CSGALNACT1: variants seen among roughly 807,000 people sequenced by gnomAD.
CSGALNACT1 encodes the protein chondroitin sulfate N-acetylgalactosaminyltransferase 1.
In CSGALNACT1, 52 loss-of-function variants were observed where a neutral mutation model predicts 51.0. The observed-to-expected ratio is 1.02, with a 90% CI of 0.82 to 1.29. The LOEUF (loss-of-function observed/expected upper bound fraction) is 1.29, where lower values mean the gene tolerates loss of function less well. Ranked by LOEUF, CSGALNACT1 falls within the 50% of genes most tolerant of loss-of-function variation. The pLI is 0.00. For synonymous variants in CSGALNACT1, 341 were observed against 254.4 expected (o/e 1.34, Z -3.24); for missense variants, 935 against 679.2 (o/e 1.38, Z -4.19).
intron 1 of CSGALNACT1, among the ~76,000 whole-genome samples, chr8:19,646,006 T>G (rs1316602940): frequency 6.6e-6 from 1 of 152,012 alleles, no homozygotes; most frequent in Non-Finnish European, 1.5e-5. Context: ...GAAAATACAA[T>G]AAGCCTTTTA....
At chr8:19,475,953 T>C (rs539982364) in intron 4 of CSGALNACT1, among the ~76,000 whole-genome samples, 1 of 152,234 alleles carries the variant, frequency 6.6e-6, no homozygotes, top group South Asian at 2.1e-4. Context: ...ACAACACAGA[T>C]ACTAAATGAA....
intron 3 of CSGALNACT1, among the ~76,000 whole-genome samples, chr8:19,514,609 T>G (rs2079155239): frequency 6.8e-6 from 1 of 147,132 alleles, no homozygotes. Context: ...TCCCTTGAGG[T>G]TAGGAGTTTG....
intron 8 of CSGALNACT1, among the ~76,000 whole-genome samples, chr8:19,416,108 A>AATT: frequency 9.3e-6 from 1 of 107,444 alleles, no homozygotes; most frequent in East Asian, 3.9e-4. Context: ...AGAAATGAAA[A>AATT]CTTTTTTTTT....
chr8:19,532,034 T>C (rs1471129991), intron 3 of CSGALNACT1: 2 of 152,142 alleles, frequency 1.3e-5, no homozygotes, highest in Non-Finnish European at 1.5e-5. Context: ...CTAAGGAAAA[T>C]AGTCCTGACA....
At chr8:19,686,050 C>A (rs534982256), upstream of CSGALNACT1, among the ~76,000 whole-genome samples, 20 of 152,270 alleles carry the variant, frequency 1.3e-4, no homozygotes, top group African/African-American at 4.8e-4. Context: ...GTGATAGCTG[C>A]CTTTACACAA....
At chr8:19,747,814 T>TA (rs11430712) in intron 1 of CSGALNACT1, among the ~76,000 whole-genome samples, 26,553 of 142,550 alleles carry the variant, frequency 0.19, 2,384 homozygotes, top group Middle Eastern at 0.32. Context: ...GGAGGAGAAG[T>TA]AAAAAAAAAA....
intron 3 of CSGALNACT1, among the ~76,000 whole-genome samples, chr8:19,514,016 T>G (rs1239794339): frequency 1.3e-5 from 2 of 152,156 alleles, no homozygotes; most frequent in African/African-American, 2.4e-5. Context: ...TTTTCAGGTG[T>G]CAGAGATCTT....
chr8:19,510,855 C>A (rs1015886447), intron 3 of CSGALNACT1, among the ~76,000 whole-genome samples: 6 of 152,160 alleles, frequency 3.9e-5, no homozygotes, highest in African/African-American at 1.4e-4. Context: ...AAAGGCAGGT[C>A]AGGTTTGTTT....
At chr8:19,505,711 GCTC>G in exon 4 of CSGALNACT1, 3 of 1,614,202 alleles carry the variant, frequency 1.9e-6, no homozygotes, top group South Asian at 1.1e-5. Context: ...AGTGCCAGCT[GCTC>G]CTCGTCACCT....
At chr8:19,471,930 T>A (rs1024572377) in intron 4 of CSGALNACT1, among the ~76,000 whole-genome samples, 5 of 152,206 alleles carry the variant, frequency 3.3e-5, no homozygotes, top group Admixed American at 2.6e-4. Flanking sequence ...GACCCAGATA[T>A]CAGGCTGCTC....
chr8:19,559,740 A>T (rs1057413412), intron 3 of CSGALNACT1, among the ~76,000 whole-genome samples: 1 of 152,218 alleles, frequency 6.6e-6, no homozygotes, highest in Admixed American at 6.5e-5. Flanking sequence ...CTAACAAAAG[A>T]CATGCAGAAA....
chr8:19,747,580 T>C (rs765718172), intron 1 of CSGALNACT1, among the ~76,000 whole-genome samples: 1 of 152,224 alleles, frequency 6.6e-6, no homozygotes, highest in Non-Finnish European at 1.5e-5. Flanking sequence ...TGAACCAGCT[T>C]ACTCGATCCA....
intron 4 of CSGALNACT1, among the ~76,000 whole-genome samples, chr8:19,474,236 C>A (rs1033764452): frequency 6.6e-6 from 1 of 152,080 alleles, no homozygotes; most frequent in African/African-American, 2.4e-5. Context: ...AACCAACACT[C>A]CCACCAACCT....
intron 1 of CSGALNACT1, among the ~76,000 whole-genome samples, chr8:19,662,729 G>C (rs1393999611): frequency 6.6e-6 from 1 of 152,148 alleles, no homozygotes; most frequent in Non-Finnish European, 1.5e-5. Flanking sequence ...TTCCATCTTT[G>C]GGCAACAGTG....
At chr8:19,679,278 C>G (rs2060420985) in intron 1 of CSGALNACT1, among the ~76,000 whole-genome samples, 1 of 151,678 alleles carries the variant, frequency 6.6e-6, no homozygotes, top group Admixed American at 6.6e-5. Flanking sequence ...CATGATAAAC[C>G]CCCGTTTCTA....
intron 4 of CSGALNACT1, among the ~76,000 whole-genome samples, chr8:19,502,459 G>A (rs1186734956): frequency 6.6e-6 from 1 of 152,092 alleles, no homozygotes; most frequent in Non-Finnish European, 1.5e-5. Context: ...ACATAACTAG[G>A]ATCATCTGCA....
At chr8:19,587,684 C>T (rs1366127598) in intron 3 of CSGALNACT1, among the ~76,000 whole-genome samples, 1 of 152,168 alleles carries the variant, frequency 6.6e-6, no homozygotes, top group East Asian at 1.9e-4. Flanking sequence ...ACATGAACAG[C>T]TAGTGGCAAG....
intron 1 of CSGALNACT1, among the ~76,000 whole-genome samples, chr8:19,680,583 A>G (rs1458858853): frequency 1.5e-5 from 1 of 67,458 alleles, no homozygotes; most frequent in African/African-American, 5.6e-5. Context: ...CCCCCCCACA[A>G]AAAAAGAGAA....
At chr8:19,492,977 A>T (rs1320100216) in intron 4 of CSGALNACT1, among the ~76,000 whole-genome samples, 1 of 152,098 alleles carries the variant, frequency 6.6e-6, no homozygotes, top group Non-Finnish European at 1.5e-5. Context: ...TTCCATGACA[A>T]GGTTACGATC....
Sources: gnomAD v4.1 joint callset for allele counts (sites outside exome capture counted in the v4.1 genomes callset) on GRCh38, gnomAD v4.1.1 for gene constraint, MANE v1.5 for transcripts, NCBI Gene and HGNC (gene_info 2026-07-23, HGNC 2026-07-21) for gene names.